The following ARHGAP24 variants were observed in gnomAD, a reference collection of about 807,000 sequenced individuals.
ARHGAP24 encodes Rho GTPase activating protein 24.
Under a neutral mutation model 76.4 loss-of-function variants are expected in ARHGAP24, and 50 were observed. The ratio of observed to expected loss-of-function variants is 0.65; its 90% CI spans 0.52 to 0.83. The LOEUF (loss-of-function observed/expected upper bound fraction) is 0.83. Ranked by LOEUF, ARHGAP24 falls within the 40% of genes least tolerant of loss-of-function variation. The pLI is 0.00. For missense variants in ARHGAP24, 930 were observed against 914.2 expected (o/e 1.02, Z -0.22); for synonymous variants, 345 against 323.3 (o/e 1.07, Z -0.72).
intron 3 of ARHGAP24, among the ~76,000 whole-genome samples, chr4:85,730,632 T>A (rs963582557): frequency 6.6e-6 from 1 of 151,994 alleles, no homozygotes; most frequent in African/African-American, 2.4e-5. Context: ...TGGTCTCAAA[T>A]CCCTGAGTAC....
intron 3 of ARHGAP24, among the ~76,000 whole-genome samples, chr4:85,884,362 C>A (rs999228510): frequency 5.3e-5 from 8 of 152,156 alleles, no homozygotes; most frequent in African/African-American, 1.7e-4. Context: ...GGACAGTAAA[C>A]CACTTCAAAG....
intron 2 of ARHGAP24, among the ~76,000 whole-genome samples, chr4:85,659,548 G>A (rs79950741): frequency 6.6e-6 from 1 of 151,962 alleles, no homozygotes. Flanking sequence ...TGAATATAGC[G>A]GCCATATTAA....
At position 85,476,334 on chromosome 4, in the gene ARHGAP24, G is replaced by C. The variant is rs184498208; in HGVS notation, c.-21+775G>C. 1.1e-3 allele frequency among the ~76,000 whole-genome samples: 168 copies of C among 152,150 alleles called. 3 individuals carry two copies. The highest frequency in any genetic ancestry group is 9.6e-3 in the Admixed American group (147 of 15,290). On this transcript the variant is annotated intron_variant, in intron 1 of 9. Coordinates refer to ENST00000395184, the MANE Select transcript of ARHGAP24 (RefSeq NM_001025616.3). ...GCATCAACCAGTAATAGGGAGCCCA[G>C]ACTTCTTTGTAGACTATATCTCGTT...
intron 3 of ARHGAP24, among the ~76,000 whole-genome samples, chr4:85,834,439 T>G (rs905634203): frequency 6.6e-6 from 1 of 152,208 alleles, no homozygotes; most frequent in Non-Finnish European, 1.5e-5. Context: ...GTACACTTTG[T>G]TGGTCAGATA....
intron 3 of ARHGAP24, among the ~76,000 whole-genome samples, chr4:85,753,059 C>T (rs1358233692): frequency 2.0e-5 from 3 of 151,940 alleles, no homozygotes; most frequent in African/African-American, 4.8e-5. Flanking sequence ...AAAAGGTTTT[C>T]GATGGATATA....
chr4:85,901,438 T>C (rs1010265148), intron 3 of ARHGAP24, among the ~76,000 whole-genome samples: 1 of 152,200 alleles, frequency 6.6e-6, no homozygotes, highest in Non-Finnish European at 1.5e-5. Context: ...TCTCATATTC[T>C]AATTGCCTAC....
intron 5 of ARHGAP24, among the ~76,000 whole-genome samples, chr4:85,966,948 A>G (rs916254593): frequency 3.9e-5 from 6 of 152,018 alleles, no homozygotes; most frequent in African/African-American, 1.4e-4. Context: ...TCCCATTTCT[A>G]ATTTTGAGGC....
intron 3 of ARHGAP24, among the ~76,000 whole-genome samples, chr4:85,738,463 C>A (rs149008532): frequency 4.5e-4 from 67 of 149,096 alleles, no homozygotes; most frequent in Admixed American, 1.7e-3. Flanking sequence ...TAGGTACAAA[C>A]CTCATGTCAG....
chr4:85,546,544 C>G (rs1725928518), intron 1 of ARHGAP24, among the ~76,000 whole-genome samples: 1 of 152,140 alleles, frequency 6.6e-6, no homozygotes, highest in Non-Finnish European at 1.5e-5. Context: ...TAACAGAAAT[C>G]TTAGATGTCA....
intron 2 of ARHGAP24, among the ~76,000 whole-genome samples, chr4:85,681,476 C>T (rs530946316): frequency 6.6e-6 from 1 of 152,312 alleles, no homozygotes; most frequent in South Asian, 2.1e-4. Flanking sequence ...TCTCCACTTC[C>T]CTCCCAGGGC....
In ARHGAP24 at chr4:85,625,967, T is replaced by C. The variant is rs1370004088; in HGVS notation, c.180+55246T>C. ...TTTATTTTGAGCCTATGTGTGTCTCTGCACGTGAGATGGGTTTCCTGAATA... is the reference window on the plus strand; with the variant it reads ...TTTATTTTGAGCCTATGTGTGTCTCCGCACGTGAGATGGGTTTCCTGAATA... On this transcript the variant is annotated intron_variant, in intron 2 of 9. Transcript: ENST00000395184. Among the ~76,000 whole-genome samples the C allele has an allele frequency of 3.3e-5, 5 of 152,356 alleles. No homozygotes were observed. In the East Asian group the frequency reaches 9.6e-4, roughly 29 times the overall value.
At chr4:85,513,918 T>C (rs1159808190) in intron 1 of ARHGAP24, among the ~76,000 whole-genome samples, 1 of 152,182 alleles carries the variant, frequency 6.6e-6, no homozygotes, top group African/African-American at 2.4e-5. Context: ...CTTGCTCTAC[T>C]TGACGACTGT....
At chr4:85,908,686 A>G (rs796223386) in intron 3 of ARHGAP24, among the ~76,000 whole-genome samples, 14 of 152,278 alleles carry the variant, frequency 9.2e-5, no homozygotes, top group African/African-American at 3.4e-4. Flanking sequence ...CTAAGAGACA[A>G]TGGTAGAACT....
chr4:85,532,101 A>G (rs199557181), intron 1 of ARHGAP24, among the ~76,000 whole-genome samples: 59 of 86,574 alleles, frequency 6.8e-4, no homozygotes, highest in African/African-American at 1.7e-3. Flanking sequence ...TGCAGTGACT[A>G]TGAAGATAAT....
chr4:85,939,537 G>A (rs553956032), intron 4 of ARHGAP24, among the ~76,000 whole-genome samples: 1 of 152,174 alleles, frequency 6.6e-6, no homozygotes, highest in South Asian at 2.1e-4. Flanking sequence ...TATTGTGAGG[G>A]ACTCAGAATA....
intron 5 of ARHGAP24, among the ~76,000 whole-genome samples, chr4:85,957,976 TC>T (rs1190011764): frequency 6.6e-6 from 1 of 152,236 alleles, no homozygotes; most frequent in Non-Finnish European, 1.5e-5. Context: ...GAATTTTGGC[TC>T]ACTTCCACTG....
At chr4:85,570,757 AG>A (rs775748471) in intron 2 of ARHGAP24, 36 bp downstream of exon 2, 16 of 1,608,532 alleles carry the variant, frequency 9.9e-6, no homozygotes, top group Non-Finnish European at 1.4e-5. Context: ...TAAGGGCCTA[AG>A]AAAGCCAAGA....
intron 3 of ARHGAP24, among the ~76,000 whole-genome samples, chr4:85,733,004 T>C (rs1176066755): frequency 1.4e-5 from 2 of 146,226 alleles, no homozygotes. Context: ...GACCTCAAAC[T>C]TCTATATTAC....
intron 3 of ARHGAP24, among the ~76,000 whole-genome samples, chr4:85,767,515 CTGTA>C (rs1428557877): frequency 6.6e-6 from 1 of 152,026 alleles, no homozygotes; most frequent in Non-Finnish European, 1.5e-5. Context: ...GAGGGGTTGT[CTGTA>C]TGAGCCATAA....
Sources: allele counts gnomAD v4.1 joint callset (sites outside exome capture counted in the v4.1 genomes callset), GRCh38; gene constraint gnomAD v4.1.1; transcripts MANE v1.5; gene names NCBI Gene and HGNC (gene_info 2026-07-23, HGNC 2026-07-21).